Variants in ZNF131 observed in about 807,000 individuals in gnomAD.
The protein encoded by ZNF131 is zinc finger protein 131.
Under a neutral mutation model 60.0 loss-of-function variants are expected in ZNF131, and 7 were observed. That is an observed-to-expected ratio of 0.12 (90% CI 0.07 to 0.22). ZNF131 has a LOEUF of 0.22. Among genes scored for constraint, ZNF131 ranks in the 10% least tolerant of loss-of-function variants. The pLI is 1.00. For synonymous variants in ZNF131, 257 were observed against 253.2 expected, an observed-to-expected ratio of 1.01 and a Z score of -0.14; for missense variants, 493 against 740.9, an observed-to-expected ratio of 0.67 and a Z score of 3.88.
chr5:43,124,702 C>T (rs1014587431), intron 3 of ZNF131: 1 of 152,092 alleles, frequency 6.6e-6, no homozygotes, highest in South Asian at 2.1e-4. Flanking sequence ...GGTTACTTTA[C>T]CTCAATTGCA....
At position 43,176,294 on chromosome 5, in the gene ZNF131, A is replaced by G. The variant is rs1307884578; in HGVS notation, c.*1161A>G. ...ACCTGTTAAATATTGGGAGTTCTTT[A>G]CATTTTTTAAGTAAACTTTAAAATT... On this transcript the variant is annotated 3_prime_UTR_variant, in exon 7 of 7. Coordinates refer to ENST00000682664, the MANE Select transcript of ZNF131 (RefSeq NM_001330707.2). 6.6e-6 allele frequency: 1 copy of G among 152,218 alleles called. No individual in the cohort carries two copies. Among genetic ancestry groups the G allele is most frequent in the Non-Finnish European group, 1.5e-5 (1 of 68,024 alleles). The allele number at this position is 152,218 out of a possible 1,614,324, so 9.4% of individuals were successfully genotyped here.
intron 3 of ZNF131, among the ~76,000 whole-genome samples, chr5:43,137,610 A>G (rs948008135): frequency 2.6e-5 from 4 of 151,122 alleles, no homozygotes; most frequent in African/African-American, 7.4e-5. Flanking sequence ...TGGTGAGGAT[A>G]TAAATAAATT....
chr5:43,146,894 T>TC (rs1364848887), intron 4 of ZNF131, among the ~76,000 whole-genome samples: 1 of 151,952 alleles, frequency 6.6e-6, no homozygotes. Context: ...TGACAGAAAC[T>TC]CCATCTCAAA....
At chr5:43,135,343 T>G (rs1190478752) in intron 3 of ZNF131, among the ~76,000 whole-genome samples, 2 of 152,016 alleles carry the variant, frequency 1.3e-5, no homozygotes, top group African/African-American at 4.8e-5. Context: ...GAAAGGAAAT[T>G]AGGAGAACAA....
rs1012715265 is a variant in ZNF131 at position 43,123,089 on chromosome 5, G to A, written c.125-120G>A. ...TTCTGCATTTAGTTCAATAATTTCT[G>A]TAGTTACGTAATGAAGGAAGACCTA... On this transcript the variant is annotated intron_variant, in intron 2 of 6. Transcript: ENST00000682664. 9.0e-6 allele frequency: 6 copies of A among 663,762 alleles called. No homozygotes were observed. In the African/African-American group the frequency reaches 1.1e-4, roughly 12 times the overall value. 41.1% of individuals were successfully genotyped at this position (663,762 alleles called of 1,614,324 possible). A position where few individuals can be genotyped will look rare whatever the true frequency, so the allele number is the denominator to read the frequency against.
intron 3 of ZNF131, among the ~76,000 whole-genome samples, chr5:43,126,383 T>G (rs1376490443): frequency 6.6e-6 from 1 of 152,196 alleles, no homozygotes; most frequent in East Asian, 1.9e-4. Context: ...CGTATTGCTG[T>G]TCAGGTCCCA....
chr5:43,175,409 G>A lies in ZNF131; in HGVS notation c.*276G>A, dbSNP rs2112153165. On this transcript the variant is annotated 3_prime_UTR_variant, in exon 7 of 7. Coordinates refer to ENST00000682664, the MANE Select transcript of ZNF131 (RefSeq NM_001330707.2). ...TCTTATTATATAGTTGGGTACGAAT[G>A]TATCTATTTTCATTGTGGTAAAAGT... 2 of 694,576 alleles carry A rather than the reference G, an allele frequency of 2.9e-6. No individual in the cohort carries two copies. Among genetic ancestry groups the A allele is most frequent in the African/African-American group, 1.8e-5 (1 of 56,728 alleles). The allele number at this position is 694,576 out of a possible 1,614,324, so 43.0% of individuals were successfully genotyped here.
intron 4 of ZNF131, among the ~76,000 whole-genome samples, chr5:43,148,114 A>G (rs35998500): frequency 0.099 from 14,541 of 147,104 alleles, 848 homozygotes; most frequent in East Asian, 0.19. Context: ...GCACATGCCT[A>G]TAATCCTAGC....
intron 3 of ZNF131, among the ~76,000 whole-genome samples, chr5:43,125,761 C>T (rs1002231282): frequency 3.3e-5 from 5 of 150,988 alleles, no homozygotes; most frequent in Non-Finnish European, 5.9e-5. Context: ...GCCTGGGCAA[C>T]AAGAGTGAAA....
In ZNF131 at chr5:43,175,270, C is replaced by A; in HGVS notation, c.*137C>A. 2 of 863,862 alleles carry A rather than the reference C, an allele frequency of 2.3e-6. No homozygotes were observed. 53.5% of individuals were successfully genotyped at this position (863,862 alleles called of 1,614,324 possible). ...TTTCCTGTTGTGCTGAACTGTTGTC[C>A]GTTGAAACACATTGATTCCCCTCCC... On this transcript the variant is annotated 3_prime_UTR_variant, in exon 7 of 7. Transcript: ENST00000682664.
chr5:43,134,275 CGTGA>C (rs1185243318), intron 3 of ZNF131, among the ~76,000 whole-genome samples: 1 of 152,112 alleles, frequency 6.6e-6, no homozygotes, highest in Non-Finnish European at 1.5e-5. Flanking sequence ...AGCAAAATGA[CGTGA>C]GTATCTCAAT....
intron 5 of ZNF131, among the ~76,000 whole-genome samples, chr5:43,167,325 C>G (rs189458469): frequency 1.3e-5 from 2 of 152,076 alleles, no homozygotes; most frequent in Non-Finnish European, 2.9e-5. Context: ...TTGCTTTACA[C>G]GGGGTTGTCA....
chr5:43,148,035 CAA>C (rs1747836205), intron 4 of ZNF131, among the ~76,000 whole-genome samples: 2 of 133,510 alleles, frequency 1.5e-5, no homozygotes, highest in South Asian at 2.6e-4. Context: ...GCCTGAGCGA[CAA>C]GAGTGCTTTT....
chr5:43,139,340 G>A (rs1234683546), intron 4 of ZNF131, 31 bp downstream of exon 4: 22 of 1,547,710 alleles, frequency 1.4e-5, no homozygotes, highest in Non-Finnish European at 1.7e-5. Flanking sequence ...GGTTCAGATA[G>A]TCATATTCAG....
chr5:43,175,385 CTTA>C lies in ZNF131; in HGVS notation c.*257_*259del, dbSNP rs752382191. 50 of 685,026 alleles carry C rather than the reference CTTA, an allele frequency of 7.3e-5. No individual in the cohort carries two copies. The highest frequency in any genetic ancestry group is 1.1e-4 in the Non-Finnish European group (43 of 382,200). 42.4% of individuals were successfully genotyped at this position (685,026 alleles called of 1,614,324 possible). On this transcript the variant is annotated 3_prime_UTR_variant, in exon 7 of 7. Coordinates refer to ENST00000682664, the MANE Select transcript of ZNF131 (RefSeq NM_001330707.2). The stretch of plus-strand genomic sequence containing the variant: ...TCTGGAAACTTAAATGGATTATATT[CTTA>C]TTATATAGTTGGGTACGAATGTATC...
intron 4 of ZNF131, among the ~76,000 whole-genome samples, chr5:43,160,214 A>G (rs983333401): frequency 1.2e-4 from 18 of 151,464 alleles, no homozygotes; most frequent in Non-Finnish European, 2.2e-4. Flanking sequence ...AAAAGAAGAA[A>G]TCTGTCAGCT....
chr5:43,142,409 A>G (rs139235772), intron 4 of ZNF131, among the ~76,000 whole-genome samples: 2,100 of 148,256 alleles, frequency 0.014, 42 homozygotes, highest in African/African-American at 0.049. Flanking sequence ...GGTTCAAGCA[A>G]TTCTCTGCCT....
rs879873129 is a variant in ZNF131, at chr5:43,141,994, A to G, written c.371+2685A>G. ...TTTCTGTTGACTTTTTCCCCCATGC[A>G]TGAGCCTTATTTTACTGTTTCTTTG... On this transcript the variant is annotated intron_variant, in intron 4 of 6. Coordinates refer to ENST00000682664, the MANE Select transcript of ZNF131 (RefSeq NM_001330707.2). Among the ~76,000 whole-genome samples the G allele has an allele frequency of 2.0e-5, 3 of 151,972 alleles. 1 individual carries two copies. Among genetic ancestry groups the G allele is most frequent in the African/African-American group, 7.2e-5 (3 of 41,386 alleles).
At chr5:43,135,839 C>T (rs1039388098) in intron 3 of ZNF131, among the ~76,000 whole-genome samples, 3 of 150,056 alleles carry the variant, frequency 2.0e-5, no homozygotes, top group Admixed American at 1.3e-4. Context: ...AACTGCTTGC[C>T]AGGTGCAGTG....
Sources: gnomAD v4.1 joint callset for allele counts (sites outside exome capture counted in the v4.1 genomes callset) on GRCh38, gnomAD v4.1.1 for gene constraint, MANE v1.5 for transcripts, NCBI Gene and HGNC (gene_info 2026-07-23, HGNC 2026-07-21) for gene names.